Variants in KLHL29 observed in about 807,000 individuals in gnomAD.
The protein encoded by KLHL29 is kelch-like protein 29.
In KLHL29, 21 loss-of-function variants were observed where a neutral mutation model predicts 80.4. The observed-to-expected ratio is 0.26, with a 90% CI of 0.19 to 0.38. The LOEUF (loss-of-function observed/expected upper bound fraction) is 0.38. KLHL29 is among the 10% of genes least tolerant of loss of function. KLHL29 has a pLI of 1.00. For synonymous variants in KLHL29, 511 were observed against 526.8 expected, an observed-to-expected ratio of 0.97 and a Z score of 0.41; for missense variants, 867 against 1,223.9, an observed-to-expected ratio of 0.71 and a Z score of 4.35.
At chr2:23,400,522 G>A (rs987939373) in intron 1 of KLHL29, among the ~76,000 whole-genome samples, 6 of 152,086 alleles carry the variant, frequency 3.9e-5, no homozygotes, top group African/African-American at 1.4e-4. Flanking sequence ...CTCATGACAT[G>A]GTGAGGCCTA....
Position 23,696,499 on chromosome 2 carries a change from G to C in KLHL29, c.2091G>C (p.Val697=). The part of the protein sequence containing the change: ...TLGGLGVAGN[V]DHVERYDTIT... The stretch of plus-strand genomic sequence containing the variant: ...GGGGACTTGGCGTGGCAGGCAACGT[G>C]GACCACGTGGAGAGGTAATGAGGCC... The change falls in exon 11 of 14, where the codon GTG becomes GTC. Residue 697 remains valine (V), a synonymous_variant. Coordinates refer to ENST00000486442, the MANE Select transcript of KLHL29 (RefSeq NM_052920.2). The surrounding 1 kb of genome is among the most constrained non-coding windows in gnomAD (Gnocchi z 5.5). 1 of 1,531,594 alleles carries C rather than the reference G, an allele frequency of 6.5e-7. No individual in the cohort carries two copies. The highest frequency in any genetic ancestry group is 8.8e-7 in the Non-Finnish European group (1 of 1,137,708). 94.9% of individuals were successfully genotyped at this position (1,531,594 alleles called of 1,614,324 possible).
chr2:23,443,254 T>G (rs553956105), intron 1 of KLHL29, among the ~76,000 whole-genome samples: 2 of 152,306 alleles, frequency 1.3e-5, no homozygotes, highest in African/African-American at 4.8e-5. Context: ...TCAAGTACCT[T>G]CACCCCTAAG....
chr2:23,536,023 A>G (rs1666649226), intron 2 of KLHL29, among the ~76,000 whole-genome samples: 1 of 152,196 alleles, frequency 6.6e-6, no homozygotes, highest in African/African-American at 2.4e-5. Context: ...GTTATCATTC[A>G]GGGGACTGCT....
At chr2:23,651,576 A>G (rs1670088241) in intron 5 of KLHL29, among the ~76,000 whole-genome samples, 1 of 152,240 alleles carries the variant, frequency 6.6e-6, no homozygotes, top group African/African-American at 2.4e-5. Context: ...AAGGAACACC[A>G]GGTGACAGGC....
chr2:23,641,848 G>A (rs1669778468), intron 4 of KLHL29, among the ~76,000 whole-genome samples: 1 of 152,180 alleles, frequency 6.6e-6, no homozygotes, highest in Admixed American at 6.5e-5. Flanking sequence ...ACCAGGCATG[G>A]TGGTGCACAC....
At chr2:23,442,699 G>A (rs1437339385) in intron 1 of KLHL29, among the ~76,000 whole-genome samples, 1 of 152,156 alleles carries the variant, frequency 6.6e-6, no homozygotes, top group Non-Finnish European at 1.5e-5. Context: ...TGAGTTTGTG[G>A]TAATTTGTTA....
At chr2:23,561,486 T>C (rs1400644297) in intron 2 of KLHL29, among the ~76,000 whole-genome samples, 1 of 152,144 alleles carries the variant, frequency 6.6e-6, no homozygotes, top group Non-Finnish European at 1.5e-5. Context: ...GCTGTGATTA[T>C]GAAAGGGAAC....
intron 1 of KLHL29, among the ~76,000 whole-genome samples, chr2:23,453,545 C>A (rs1468075286): frequency 1.3e-5 from 2 of 152,322 alleles, no homozygotes; most frequent in South Asian, 2.1e-4. Flanking sequence ...GTGGGGGGAC[C>A]TTTCCCCTGG....
rs116882951 is a variant in KLHL29, at chr2:23,575,128, G to A, written c.285+12647G>A. ...TCTGCAGGCTCGGAGCTGCCTGGCC[G>A]GCCGCAAGTTTACTGCCAAGCACAG... On this transcript the variant is annotated intron_variant, in intron 3 of 13. Coordinates refer to ENST00000486442, the MANE Select transcript of KLHL29 (RefSeq NM_052920.2). Among the ~76,000 whole-genome samples, 28 of 152,314 alleles carry A rather than the reference G, an allele frequency of 1.8e-4. 1 individual carries two copies. In the East Asian group the frequency reaches 4.2e-3, roughly 23 times the overall value.
At chr2:23,553,745 G>A (rs1209993402) in intron 2 of KLHL29, among the ~76,000 whole-genome samples, 4 of 152,180 alleles carry the variant, frequency 2.6e-5, no homozygotes, top group Non-Finnish European at 5.9e-5. Flanking sequence ...CATGTGCCCC[G>A]TGCTGGGAGG....
At chr2:23,453,803 T>C (rs1354341242) in intron 1 of KLHL29, among the ~76,000 whole-genome samples, 1 of 151,982 alleles carries the variant, frequency 6.6e-6, no homozygotes, top group Non-Finnish European at 1.5e-5. Context: ...TTTTGTTTTG[T>C]ATTTTTTTTT....
chr2:23,436,280 T>TTGTGTGTGTG lies in KLHL29; in HGVS notation c.-153-39238_-153-39229dup, dbSNP rs57931176. On this transcript the variant is annotated intron_variant, in intron 1 of 13. Transcript: ENST00000486442. ...AAGAGAAGTAAATAGCCAATCAGCT[T>TTGTGTGTGTG]TGTGTGTGTGTGTGTGTGTGTGTGT... is the stretch of plus-strand genomic sequence containing the variant. Among the ~76,000 whole-genome samples the TTGTGTGTGTG allele has an allele frequency of 4.0e-3, 552 of 137,024 alleles. 3 individuals carry two copies. The highest frequency in any genetic ancestry group is 5.1e-3 in the African/African-American group (183 of 36,200). The allele number at this position is 137,024 out of a possible 152,430, so 89.9% of individuals were successfully genotyped here. A position where few individuals can be genotyped will look rare whatever the true frequency, so the allele number is the denominator to read the frequency against.
Position 23,457,669 on chromosome 2 carries a change from C to A in KLHL29, c.-153-17891C>A, listed in dbSNP as rs6544862. The stretch of plus-strand genomic sequence containing the variant: ...GCACCAGGAACAAGGTCCCTGCAGT[C>A]AGATGAAAGGTCCCCTCCTTGCCTG... On this transcript the variant is annotated intron_variant, in intron 1 of 13. Transcript: ENST00000486442. This position sits in a 1 kb window ranked among gnomAD's most constrained non-coding sequence, Gnocchi z 4.3. Among the ~76,000 whole-genome samples the A allele has an allele frequency of 0.3, 46,288 of 152,036 alleles. 7,254 individuals carry two copies. Among genetic ancestry groups the A allele is most frequent in the South Asian group, 0.41 (1,975 of 4,808 alleles).
At chr2:23,468,560 G>A (rs908490816) in intron 1 of KLHL29, among the ~76,000 whole-genome samples, 1 of 152,164 alleles carries the variant, frequency 6.6e-6, no homozygotes, top group African/African-American at 2.4e-5. Context: ...TCCCCGCCGA[G>A]CATCAGCAGC....
chr2:23,482,327 A>T (rs4665217), intron 2 of KLHL29, among the ~76,000 whole-genome samples: 7 of 152,042 alleles, frequency 4.6e-5, no homozygotes, highest in Admixed American at 6.5e-5. Flanking sequence ...ATTTTCTAAG[A>T]GGCCTGTCTC....
intron 2 of KLHL29, among the ~76,000 whole-genome samples, chr2:23,552,761 C>CTTTTTTTTTTTTTTTTTTTTTTTTTTTTT (rs60558023): frequency 3.1e-5 from 3 of 95,544 alleles, no homozygotes; most frequent in African/African-American, 9.4e-5. Context: ...GGTTTCTTTT[C>CTTTTTTTTTTTTTTTTTTTTTTTTTTTTT]TTTTTTTTTT....
chr2:23,480,703 TC>T (rs1425086164), intron 2 of KLHL29, among the ~76,000 whole-genome samples: 1 of 152,218 alleles, frequency 6.6e-6, no homozygotes, highest in Admixed American at 6.5e-5. Flanking sequence ...GTAATTTGTC[TC>T]ATCTTTCAGT....
intron 1 of KLHL29, among the ~76,000 whole-genome samples, chr2:23,451,866 C>T (rs554312966): frequency 2.0e-5 from 3 of 152,240 alleles, no homozygotes; most frequent in East Asian, 3.9e-4. Flanking sequence ...TCATTTGGCT[C>T]ATGGTTCTGT....
At chr2:23,435,918 T>TA (rs397964683) in intron 1 of KLHL29, among the ~76,000 whole-genome samples, 65 of 150,020 alleles carry the variant, frequency 4.3e-4, no homozygotes, top group African/African-American at 1.1e-3. Flanking sequence ...TTTTTTTTTT[T>TA]AAAAAGGAAA....
Sources: gnomAD v4.1 joint callset for allele counts (sites outside exome capture counted in the v4.1 genomes callset) on GRCh38, gnomAD v4.1.1 for gene constraint, Gnocchi (gnomAD v3.1) non-coding constraint, MANE v1.5 for transcripts, NCBI Gene and HGNC (gene_info 2026-07-23, HGNC 2026-07-21) for gene names.